CDK14: variants seen among roughly 807,000 people sequenced by gnomAD.
CDK14 encodes the protein cyclin-dependent kinase 14.
Under a neutral mutation model 60.7 loss-of-function variants are expected in CDK14, and 34 were observed. The observed-to-expected ratio is 0.56, with a 90% CI of 0.43 to 0.75. The LOEUF (loss-of-function observed/expected upper bound fraction) is 0.75. Among genes scored for constraint, CDK14 ranks in the 30% least tolerant of loss-of-function variants. The probability of loss-of-function intolerance (pLI) is 0.00; values close to 1 mark genes in which losing one functional copy is unlikely to be tolerated. For synonymous variants in CDK14, 197 were observed against 203.7 expected, an observed-to-expected ratio of 0.97 and a Z score of 0.28; for missense variants, 482 against 564.1, an observed-to-expected ratio of 0.85 and a Z score of 1.47.
intron 4 of CDK14, among the ~76,000 whole-genome samples, chr7:90,770,964 TAGTC>T (rs1804762475): frequency 6.6e-6 from 1 of 152,194 alleles, no homozygotes. Flanking sequence ...GAGTCTTGCT[TAGTC>T]AGTCTAGAGA....
intron 5 of CDK14, among the ~76,000 whole-genome samples, chr7:90,799,582 A>G (rs892382705): frequency 2.7e-5 from 4 of 147,384 alleles, no homozygotes; most frequent in African/African-American, 7.5e-5. Flanking sequence ...CCCAGCTACT[A>G]GGGAGGCTGA....
chr7:90,788,143 G>A (rs28508541), intron 4 of CDK14, among the ~76,000 whole-genome samples: 155 of 152,222 alleles, frequency 1.0e-3, no homozygotes, highest in African/African-American at 3.7e-3. Context: ...AAAGCTCTGC[G>A]GGAAAAAGGT....
At chr7:90,770,464 T>C (rs1804740509) in intron 4 of CDK14, among the ~76,000 whole-genome samples, 1 of 152,208 alleles carries the variant, frequency 6.6e-6, no homozygotes, top group Non-Finnish European at 1.5e-5. Context: ...AGGTGAACAT[T>C]GTTGATTGTT....
chr7:90,918,615 A>G (rs1251038673), intron 8 of CDK14, among the ~76,000 whole-genome samples: 1 of 152,258 alleles, frequency 6.6e-6, no homozygotes, highest in East Asian at 1.9e-4. Flanking sequence ...CATTGCCTCA[A>G]TTATTTTTGA....
chr7:90,855,474 A>G (rs1415302624), intron 5 of CDK14, among the ~76,000 whole-genome samples: 1 of 152,200 alleles, frequency 6.6e-6, no homozygotes, highest in Non-Finnish European at 1.5e-5. Flanking sequence ...ATATATCTTT[A>G]TCATAAACAA....
intron 12 of CDK14, among the ~76,000 whole-genome samples, chr7:91,104,097 C>G (rs1799218597): frequency 6.6e-6 from 1 of 151,972 alleles, no homozygotes; most frequent in Admixed American, 6.6e-5. Context: ...TTTCCATGAA[C>G]AACAAACATC....
At chr7:90,817,471 T>C (rs1380662852) in intron 5 of CDK14, among the ~76,000 whole-genome samples, 1 of 152,230 alleles carries the variant, frequency 6.6e-6, no homozygotes, top group African/African-American at 2.4e-5. Flanking sequence ...CAGACTGGAA[T>C]GGGCAGGAAT....
intron 5 of CDK14, among the ~76,000 whole-genome samples, chr7:90,806,967 A>C (rs2374364): frequency 1.3e-5 from 2 of 152,140 alleles, no homozygotes; most frequent in Non-Finnish European, 2.9e-5. Context: ...CAAAGTGGCC[A>C]GGAAGCTCAA....
chr7:91,070,585 T>G (rs1168332491), intron 11 of CDK14, among the ~76,000 whole-genome samples: 1 of 151,972 alleles, frequency 6.6e-6, no homozygotes, highest in Non-Finnish European at 1.5e-5. Context: ...ATAGTGAAAC[T>G]TCACCTCTAC....
intron 5 of CDK14, among the ~76,000 whole-genome samples, chr7:90,813,969 A>C (rs1323164927): frequency 6.6e-6 from 1 of 152,210 alleles, no homozygotes; most frequent in Admixed American, 6.5e-5. Context: ...TTATAGGTTT[A>C]GCCAAAAAAG....
At chr7:91,102,390 C>G (rs1195552224) in intron 12 of CDK14, among the ~76,000 whole-genome samples, 1 of 152,112 alleles carries the variant, frequency 6.6e-6, no homozygotes, top group South Asian at 2.1e-4. Context: ...CCCATTTAAG[C>G]TTTTTATATG....
intron 5 of CDK14, among the ~76,000 whole-genome samples, chr7:90,808,315 A>C (rs1583991521): frequency 6.6e-6 from 1 of 152,244 alleles, no homozygotes. Context: ...AATATTCAAC[A>C]TTCTTAAAGA....
intron 14 of CDK14, among the ~76,000 whole-genome samples, chr7:91,123,758 A>G (rs1478289259): frequency 6.6e-6 from 1 of 151,890 alleles, no homozygotes; most frequent in South Asian, 2.1e-4. Context: ...TCTGATCTGT[A>G]CTGTGCACCA....
At chr7:91,026,807 C>T (rs1796582999) in intron 10 of CDK14, among the ~76,000 whole-genome samples, 1 of 152,188 alleles carries the variant, frequency 6.6e-6, no homozygotes, top group South Asian at 2.1e-4. Flanking sequence ...AGGCCCCCTC[C>T]TCCTAACTCC....
chr7:90,881,887 T>G (rs1370843172), intron 6 of CDK14, among the ~76,000 whole-genome samples: 1 of 152,150 alleles, frequency 6.6e-6, no homozygotes, highest in Non-Finnish European at 1.5e-5. Context: ...AAGCAAATGC[T>G]GAGGGATTCT....
At chr7:90,816,543 G>A (rs769767147) in intron 5 of CDK14, among the ~76,000 whole-genome samples, 16 of 152,294 alleles carry the variant, frequency 1.1e-4, no homozygotes, top group Middle Eastern at 3.4e-3. Flanking sequence ...CAGGGCATTT[G>A]GGATGATTGG....
chr7:91,121,451 A>G (rs570635201), intron 14 of CDK14, among the ~76,000 whole-genome samples: 45 of 152,324 alleles, frequency 3.0e-4, no homozygotes, highest in Non-Finnish European at 4.9e-4. Flanking sequence ...GACTGAGTAG[A>G]CAAGAATGTT....
chr7:90,736,344 G>GCTTTTTTTTTTTTTTTTTT (rs1563063351), intron 3 of CDK14, among the ~76,000 whole-genome samples: 3 of 41,032 alleles, frequency 7.3e-5, no homozygotes, highest in African/African-American at 9.0e-5. Flanking sequence ...ACTTTATTAT[G>GCTTTTTTTTTTTTTTTTTT]TTTTTGTTTT....
intron 5 of CDK14, among the ~76,000 whole-genome samples, chr7:90,803,452 C>G (rs1437233173): frequency 1.3e-5 from 2 of 152,092 alleles, no homozygotes; most frequent in East Asian, 3.9e-4. Context: ...AAGAGGGACA[C>G]TTGGTAGGGC....
Sources: allele counts gnomAD v4.1 joint callset (sites outside exome capture counted in the v4.1 genomes callset), GRCh38; gene constraint gnomAD v4.1.1; transcripts MANE v1.5; gene names NCBI Gene and HGNC (gene_info 2026-07-23, HGNC 2026-07-21).